DGKB: variants seen among roughly 807,000 people sequenced by gnomAD.
DGKB encodes the protein diacylglycerol kinase beta.
Under a neutral mutation model 114.3 loss-of-function variants are expected in DGKB, and 67 were observed. The observed-to-expected ratio is 0.59, with a 90% CI of 0.48 to 0.72. DGKB has a LOEUF of 0.72. DGKB is among the 30% of genes least tolerant of loss of function. DGKB has a pLI of 0.00. For missense variants in DGKB, 907 were observed against 975.2 expected, an observed-to-expected ratio of 0.93 and a Z score of 0.93; for synonymous variants, 398 against 323.1, an observed-to-expected ratio of 1.23 and a Z score of -2.49.
chr7:14,197,848 G>A (rs1049689488), intron 23 of DGKB, among the ~76,000 whole-genome samples: 39 of 152,142 alleles, frequency 2.6e-4, no homozygotes, highest in African/African-American at 9.2e-4. Flanking sequence ...GGCATTCATC[G>A]AGTGAAAAGG....
intron 20 of DGKB, among the ~76,000 whole-genome samples, chr7:14,512,541 A>T (rs548871819): frequency 6.6e-6 from 1 of 152,180 alleles, no homozygotes; most frequent in East Asian, 1.9e-4. Flanking sequence ...CTGACAACTC[A>T]GTCTTTTATT....
chr7:14,494,062 C>T (rs1025807999), intron 20 of DGKB, among the ~76,000 whole-genome samples: 2 of 151,770 alleles, frequency 1.3e-5, no homozygotes, highest in Non-Finnish European at 2.9e-5. Flanking sequence ...AAATGCTCCA[C>T]GTTATTTTGG....
intron 21 of DGKB, among the ~76,000 whole-genome samples, chr7:14,365,585 T>G (rs1411128781): frequency 6.6e-6 from 1 of 152,070 alleles, no homozygotes; most frequent in Non-Finnish European, 1.5e-5. Context: ...TCATTATATT[T>G]TTAGCCACTG....
intron 22 of DGKB, among the ~76,000 whole-genome samples, chr7:14,345,031 G>T (rs1157573544): frequency 6.6e-6 from 1 of 151,504 alleles, no homozygotes; most frequent in South Asian, 2.1e-4. Flanking sequence ...TCTGCACTAT[G>T]CCCAGTAACA....
intron 21 of DGKB, among the ~76,000 whole-genome samples, chr7:14,433,962 T>C (rs1828867452): frequency 6.6e-6 from 1 of 152,336 alleles, no homozygotes; most frequent in Admixed American, 6.5e-5. Context: ...ATTTTTACTA[T>C]GACTTGTCAC....
intron 21 of DGKB, among the ~76,000 whole-genome samples, chr7:14,475,165 A>G (rs1225296954): frequency 1.3e-5 from 2 of 152,276 alleles, no homozygotes; most frequent in East Asian, 3.9e-4. Context: ...GCTAGAGGAT[A>G]ATATTAATGG....
At chr7:14,828,883 A>C (rs1846049445) in intron 2 of DGKB, among the ~76,000 whole-genome samples, 1 of 152,136 alleles carries the variant, frequency 6.6e-6, no homozygotes, top group Non-Finnish European at 1.5e-5. Flanking sequence ...GCATCTGGGC[A>C]AACTGTGCTG....
At chr7:14,920,010 T>G (rs1422488145) in intron 1 of DGKB, among the ~76,000 whole-genome samples, 2 of 152,168 alleles carry the variant, frequency 1.3e-5, no homozygotes, top group African/African-American at 2.4e-5. Context: ...TTACCCTGTC[T>G]CAGGTATTCA....
intron 1 of DGKB, among the ~76,000 whole-genome samples, chr7:14,849,215 C>T (rs995461357): frequency 7.9e-5 from 12 of 152,158 alleles, no homozygotes; most frequent in African/African-American, 2.9e-4. Flanking sequence ...ACTTATTGAA[C>T]ATCCTGAAGG....
chr7:14,882,119 T>C (rs1288227874), intron 1 of DGKB, among the ~76,000 whole-genome samples: 4 of 152,078 alleles, frequency 2.6e-5, no homozygotes, highest in Admixed American at 2.0e-4. Flanking sequence ...ATTTTCATGG[T>C]CTCAAAAAGA....
At chr7:14,404,806 A>T (rs1823677462) in intron 21 of DGKB, among the ~76,000 whole-genome samples, 1 of 151,776 alleles carries the variant, frequency 6.6e-6, no homozygotes, top group South Asian at 2.1e-4. Context: ...ATGTCTGGGA[A>T]CCTACACTCT....
At chr7:14,158,421 G>C (rs1783365040) in intron 25 of DGKB, among the ~76,000 whole-genome samples, 1 of 152,132 alleles carries the variant, frequency 6.6e-6, no homozygotes, top group South Asian at 2.1e-4. Context: ...AACCATCAGA[G>C]AGCATAATTA....
At chr7:14,872,885 T>G (rs576386684) in intron 1 of DGKB, among the ~76,000 whole-genome samples, 55 of 151,402 alleles carry the variant, frequency 3.6e-4, no homozygotes, top group African/African-American at 1.1e-3. Flanking sequence ...ATTTTCCAAT[T>G]TAAAAATCAG....
chr7:14,918,748 C>T (rs1784363265), intron 1 of DGKB, among the ~76,000 whole-genome samples: 1 of 151,948 alleles, frequency 6.6e-6, no homozygotes, highest in Non-Finnish European at 1.5e-5. Flanking sequence ...AAGTTATTTT[C>T]AGATATTAAC....
intron 1 of DGKB, among the ~76,000 whole-genome samples, chr7:14,878,084 T>G (rs910617819): frequency 6.7e-6 from 1 of 149,980 alleles, no homozygotes; most frequent in Non-Finnish European, 1.5e-5. Context: ...CCAACAGCAT[T>G]TTATCAGTGA....
chr7:14,592,895 A>C (rs1440682998), intron 17 of DGKB, among the ~76,000 whole-genome samples: 6 of 151,964 alleles, frequency 3.9e-5, no homozygotes, highest in Admixed American at 3.9e-4. Flanking sequence ...TACATTATAA[A>C]ATTTAGTTAA....
At chr7:14,936,082 G>A (rs1785259396) in intron 1 of DGKB, among the ~76,000 whole-genome samples, 1 of 152,110 alleles carries the variant, frequency 6.6e-6, no homozygotes, top group South Asian at 2.1e-4. Context: ...ATTTTTCAGA[G>A]CCTTGAGTTT....
chr7:14,163,139 A>C (rs1254649964), intron 25 of DGKB, among the ~76,000 whole-genome samples: 1 of 152,224 alleles, frequency 6.6e-6, no homozygotes, highest in Non-Finnish European at 1.5e-5. Context: ...AGACACCTAA[A>C]GATGACACCT....
chr7:14,212,763 T>C (rs944290828), intron 23 of DGKB, among the ~76,000 whole-genome samples: 3 of 152,070 alleles, frequency 2.0e-5, no homozygotes, highest in Non-Finnish European at 2.9e-5. Flanking sequence ...CAAAATACTT[T>C]TTTTTCTAAA....
Sources: gnomAD v4.1 joint callset for allele counts (sites outside exome capture counted in the v4.1 genomes callset) on GRCh38, gnomAD v4.1.1 for gene constraint, MANE v1.5 for transcripts, NCBI Gene and HGNC (gene_info 2026-07-23, HGNC 2026-07-21) for gene names.